Variants in WDR7 observed in about 807,000 individuals in gnomAD.
WDR7 encodes WD repeat-containing protein 7.
In WDR7, 46 loss-of-function variants were observed where a neutral mutation model predicts 169.4. The ratio of observed to expected loss-of-function variants is 0.27; its 90% confidence interval spans 0.21 to 0.35. The LOEUF is 0.35. WDR7 is among the 10% of genes least tolerant of loss of function. The pLI is 1.00. For synonymous variants in WDR7, 612 were observed against 666.8 expected (o/e 0.92, Z 1.27); for missense variants, 1,534 against 1,859.3 (o/e 0.83, Z 3.22).
Position 56,700,211 on chromosome 18 carries a change from T to C in WDR7, c.1578+3749T>C, listed in dbSNP as rs147663978. On this transcript the variant is annotated intron_variant, in intron 12 of 27. Coordinates refer to ENST00000254442, the MANE Select transcript of WDR7 (RefSeq NM_015285.3). ...CCTTTTATTTTGTGTTAAAGGATTTTGGTTTTTCATTTTTTAAAGATACTG... is the reference window on the plus strand; with the variant it reads ...CCTTTTATTTTGTGTTAAAGGATTTCGGTTTTTCATTTTTTAAAGATACTG... 3.9e-3 allele frequency among the ~76,000 whole-genome samples: 587 copies of C among 151,536 alleles called. 2 individuals are homozygous for C. The highest frequency in any genetic ancestry group is 9.2e-3 in the Admixed American group (140 of 15,202).
At chr18:56,963,690 A>AT (rs923343007) in intron 26 of WDR7, among the ~76,000 whole-genome samples, 11 of 151,966 alleles carry the variant, frequency 7.2e-5, no homozygotes, top group East Asian at 1.9e-4. Flanking sequence ...TTTGTTTGTG[A>AT]TTTTTTTTAA....
chr18:56,776,675 C>T (rs2044247020), intron 16 of WDR7, 107 bp from the exon 17 acceptor site: 5 of 860,932 alleles, frequency 5.8e-6, no homozygotes, highest in Non-Finnish European at 9.8e-6. Flanking sequence ...TCTACATTCT[C>T]TGTTTTGCCT....
chr18:56,987,851 C>T (rs898774178), intron 26 of WDR7, among the ~76,000 whole-genome samples: 14 of 152,162 alleles, frequency 9.2e-5, no homozygotes, highest in African/African-American at 3.4e-4. Context: ...TATGATGAAT[C>T]ACTGTCATGC....
intron 12 of WDR7, 88 bp from the exon 13 acceptor site, chr18:56,717,876 A>C (rs948617239): frequency 3.1e-6 from 4 of 1,303,050 alleles, no homozygotes; most frequent in Non-Finnish European, 4.1e-6. Context: ...GCAAATGTAT[A>C]ATTAATTTTG....
In WDR7 at chr18:56,938,551, C is replaced by G; in HGVS notation, c.3850C>G (p.Leu1284Val). 6.2e-7 allele frequency: 1 copy of G among 1,613,886 alleles called. No individual in the cohort carries two copies. ...TTTGTAGGTACACAGACATACGGCT[C>G]TTGCAGCAAATACCCAATCACAGCA... ...IAKEVHRHTALAANTQSQQNM... is the reference protein window; with the variant it reads ...IAKEVHRHTAVAANTQSQQNM... Residue 1284 changes from leucine to valine, a missense_variant, in exon 24 of 28, where the codon CTT (leucine) becomes GTT (valine). Transcript: ENST00000254442.
chr18:56,851,929 G>A (rs1289527491), intron 20 of WDR7, among the ~76,000 whole-genome samples: 1 of 152,112 alleles, frequency 6.6e-6, no homozygotes, highest in Non-Finnish European at 1.5e-5. Flanking sequence ...GAGCAGTTGG[G>A]CTCACTTTGG....
At chr18:56,759,096 GAT>G in intron 16 of WDR7, 143 bp downstream of exon 16, 3 of 540,256 alleles carry the variant, frequency 5.6e-6, no homozygotes, top group Non-Finnish European at 9.3e-6. Context: ...TGTAAATATG[GAT>G]AATTAAGATG....
chr18:57,003,023 A>G (rs921349495), intron 26 of WDR7, among the ~76,000 whole-genome samples: 3 of 152,174 alleles, frequency 2.0e-5, no homozygotes, highest in African/African-American at 7.2e-5. Context: ...AATTTTATAC[A>G]ACATTTATGT....
chr18:56,796,812 G>C (rs915538806), intron 19 of WDR7, among the ~76,000 whole-genome samples: 21 of 152,038 alleles, frequency 1.4e-4, no homozygotes, highest in African/African-American at 4.8e-4. Context: ...TGGCATGGAA[G>C]AAAAAAGGAA....
chr18:56,834,900 T>A (rs904501005), intron 20 of WDR7, among the ~76,000 whole-genome samples: 3 of 152,224 alleles, frequency 2.0e-5, no homozygotes, highest in African/African-American at 7.2e-5. Context: ...TTTCAGTGCA[T>A]TAGTTATTTC....
At chr18:56,854,064 G>A (rs1233058587) in intron 20 of WDR7, among the ~76,000 whole-genome samples, 3 of 152,106 alleles carry the variant, frequency 2.0e-5, no homozygotes, top group Admixed American at 2.0e-4. Context: ...GAAAAAACTG[G>A]TTTTCCTTTG....
At chr18:56,875,111 C>T (rs1361755108) in intron 20 of WDR7, among the ~76,000 whole-genome samples, 1 of 152,160 alleles carries the variant, frequency 6.6e-6, no homozygotes, top group Non-Finnish European at 1.5e-5. Flanking sequence ...ACTATAAAGT[C>T]GTGTCCTCCA....
At chr18:56,947,755 T>C (rs1199661422) in intron 25 of WDR7, among the ~76,000 whole-genome samples, 1 of 152,234 alleles carries the variant, frequency 6.6e-6, no homozygotes, top group Non-Finnish European at 1.5e-5. Flanking sequence ...GTACTTGCGG[T>C]GTGTTCTGCA....
At chr18:56,962,091 G>A (rs764437424) in intron 25 of WDR7, among the ~76,000 whole-genome samples, 30 of 152,020 alleles carry the variant, frequency 2.0e-4, no homozygotes, top group South Asian at 4.1e-4. Context: ...AGTAGTCACC[G>A]TAGCAAAATT....
intron 12 of WDR7, among the ~76,000 whole-genome samples, chr18:56,712,660 C>T (rs1378673564): frequency 6.6e-6 from 1 of 152,140 alleles, no homozygotes; most frequent in Non-Finnish European, 1.5e-5. Context: ...ATTTGAATAG[C>T]TTTCACCTGT....
chr18:56,790,529 T>C (rs2044467713), intron 19 of WDR7, among the ~76,000 whole-genome samples: 1 of 152,168 alleles, frequency 6.6e-6, no homozygotes. Context: ...CCTGTAATAT[T>C]TTTATTATAT....
chr18:56,758,032 C>T (rs187973891), intron 15 of WDR7, among the ~76,000 whole-genome samples: 7 of 151,758 alleles, frequency 4.6e-5, no homozygotes, highest in Non-Finnish European at 8.8e-5. Flanking sequence ...TAATGATTGA[C>T]GTGTTCAGAG....
chr18:56,807,147 CAAAAA>C (rs566956902), intron 19 of WDR7, among the ~76,000 whole-genome samples: 7 of 84,190 alleles, frequency 8.3e-5, no homozygotes, highest in Non-Finnish European at 7.4e-5. Context: ...TGATCCTAGC[CAAAAA>C]AAAAAAAAAA....
chr18:56,976,231 T>A (rs1261631987), intron 26 of WDR7, among the ~76,000 whole-genome samples: 1 of 152,118 alleles, frequency 6.6e-6, no homozygotes, highest in Admixed American at 6.5e-5. Context: ...AAATACAGCA[T>A]GTTAAATATA....
Sources: gnomAD v4.1 joint callset for allele counts (sites outside exome capture counted in the v4.1 genomes callset) on GRCh38, gnomAD v4.1.1 for gene constraint, MANE v1.5 for transcripts, NCBI Gene and HGNC (gene_info 2026-07-23, HGNC 2026-07-21) for gene names.